The following XPNPEP1 variants were observed in gnomAD, a reference collection of about 807,000 sequenced individuals.
The protein encoded by XPNPEP1 is xaa-Pro aminopeptidase 1.
XPNPEP1 carries 39 observed loss-of-function variants against 92.4 expected under a neutral mutation model. That is an observed-to-expected ratio of 0.42 (90% CI 0.33 to 0.55). XPNPEP1 has a LOEUF of 0.55. Ranked by LOEUF, XPNPEP1 falls within the 20% of genes least tolerant of loss-of-function variation. The pLI is 0.08. For synonymous variants in XPNPEP1, 307 were observed against 299.4 expected (o/e 1.03, Z -0.26); for missense variants, 654 against 856.1 (o/e 0.76, Z 2.95).
intron 2 of XPNPEP1, among the ~76,000 whole-genome samples, 167 bp downstream of exon 2, chr10:109,914,844 C>CA (rs1381092849): frequency 6.7e-6 from 1 of 148,734 alleles, no homozygotes; most frequent in Non-Finnish European, 1.5e-5. Flanking sequence ...AGTAACCAAC[C>CA]ACTTAGGAAG....
At chr10:109,911,211 T>C (rs982287554) in intron 2 of XPNPEP1, among the ~76,000 whole-genome samples, 2 of 152,208 alleles carry the variant, frequency 1.3e-5, no homozygotes, top group African/African-American at 4.8e-5. Context: ...ATGGAAACTG[T>C]CCTACTCATA....
chr10:109,869,138 C>T (rs1021094106), intron 19 of XPNPEP1, among the ~76,000 whole-genome samples: 3 of 152,294 alleles, frequency 2.0e-5, no homozygotes, highest in East Asian at 1.9e-4. Flanking sequence ...GCCCATCAGG[C>T]GACAACACAT....
chr10:109,900,887 T>A (rs575705753), intron 3 of XPNPEP1, among the ~76,000 whole-genome samples: 2 of 152,318 alleles, frequency 1.3e-5, no homozygotes, highest in African/African-American at 4.8e-5. Flanking sequence ...ATTCCATAGA[T>A]ACCCATGGTA....
chr10:109,873,488 C>T (rs548424315), intron 15 of XPNPEP1, 61 bp from the exon 16 acceptor site: 14 of 1,604,972 alleles, frequency 8.7e-6, no homozygotes, highest in Non-Finnish European at 1.0e-5. Flanking sequence ...AAATATGACA[C>T]AGGCAAGCAT....
At position 109,875,733 on chromosome 10, in the gene XPNPEP1, T is replaced by C. The variant is rs1054458491; in HGVS notation, c.1320-134A>G. 4.6e-6 allele frequency: 3 copies of C among 649,938 alleles called. No individual in the cohort carries two copies. The African/African-American group carries it at 5.5e-5, about 12-fold the overall frequency. The allele number at this position is 649,938 out of a possible 1,614,324, so 40.3% of individuals were successfully genotyped here. ...CTGAAATTATATCAAAATAGAAAGT[T>C]ATGCAATAATGAATTATTTCAACTA... is the stretch of plus-strand genomic sequence containing the variant. On this transcript the variant is annotated intron_variant, in intron 14 of 20. Coordinates refer to ENST00000502935, the MANE Select transcript of XPNPEP1 (RefSeq NM_020383.4).
At chr10:109,869,840 G>A in intron 19 of XPNPEP1, 113 bp downstream of exon 19, 1 of 1,118,386 alleles carries the variant, frequency 8.9e-7, no homozygotes, top group South Asian at 1.4e-5. Context: ...CCCACACTAA[G>A]AAACAGGAAA....
Position 109,865,309 on chromosome 10 carries a change from C to T in XPNPEP1, c.1876G>A (p.Asp626Asn), listed in dbSNP as rs751692225. The change falls in exon 21 of 21, where the codon GAC (aspartate) becomes AAC (asparagine). Residue 626 changes from aspartate (D) to asparagine (N), a missense_variant. Transcript: ENST00000502935. ...GTCAGGTGGTAATTGTTGAGCCAGT[C>T]GCACTGCAGGGAAGAGAAGGACAGA... Reference protein sequence around the residue: ...DVDSLTDKECDWLNNYHLTCR... With the variant: ...DVDSLTDKECNWLNNYHLTCR... 1.9e-6 allele frequency: 3 copies of T among 1,613,966 alleles called. No individual in the cohort carries two copies. The highest frequency in any genetic ancestry group is 2.5e-6 in the Non-Finnish European group (3 of 1,180,026).
chr10:109,890,129 G>T (rs1227059922), intron 5 of XPNPEP1, among the ~76,000 whole-genome samples: 2 of 152,190 alleles, frequency 1.3e-5, no homozygotes, highest in African/African-American at 4.8e-5. Flanking sequence ...GAGGAAACTA[G>T]GAAGGAGCCT....
At chr10:109,913,039 A>G (rs1160981595) in intron 2 of XPNPEP1, among the ~76,000 whole-genome samples, 1 of 152,230 alleles carries the variant, frequency 6.6e-6, no homozygotes, top group Admixed American at 6.5e-5. Flanking sequence ...TAAGCAAAGT[A>G]TGCAGCAAAG....
Position 109,868,618 on chromosome 10 carries a change from T to C in XPNPEP1, c.1868A>G (p.Lys623Arg), listed in dbSNP as rs746511383. The C allele has an allele frequency of 3.1e-6, 5 of 1,613,474 alleles. No homozygotes were observed. The highest frequency in any genetic ancestry group is 4.2e-6 in the Non-Finnish European group (5 of 1,179,468). The change falls in exon 20 of 21, where the codon AAA (lysine) becomes AGA (arginine). Residue 623 changes from lysine to arginine, a missense_variant. Lys to Arg is a conservative substitution (Grantham distance 26). Transcript: ENST00000502935. ...KMIDVDSLTD[K>R]ECDWLNNYHL... ...CCACCAAGACTTCCCCATTACCTCT[T>C]TGTCTGTAAGAGAATCCACATCTAT...
At chr10:109,866,700 G>A (rs377660518) in intron 20 of XPNPEP1, among the ~76,000 whole-genome samples, 1 of 152,208 alleles carries the variant, frequency 6.6e-6, no homozygotes, top group Non-Finnish European at 1.5e-5. Flanking sequence ...AAGTGATGAC[G>A]ATGCAGACCC....
chr10:109,865,060 T>TA lies in XPNPEP1; in HGVS notation c.*123dup. ...GGATAAGAAGATTTTCTGTTCTTCTTAAAGTCTAAAGTAAAAAGGGGAGGT... is the reference window on the plus strand; with the variant it reads ...GGATAAGAAGATTTTCTGTTCTTCTTAAAAGTCTAAAGTAAAAAGGGGAGGT... On this transcript the variant is annotated 3_prime_UTR_variant, in exon 21 of 21. Coordinates refer to ENST00000502935, the MANE Select transcript of XPNPEP1 (RefSeq NM_020383.4). 1 of 1,363,050 alleles carries TA rather than the reference T, an allele frequency of 7.3e-7. No individual in the cohort carries two copies. The highest frequency in any genetic ancestry group is 2.1e-5 in the Admixed American group (1 of 47,708). The allele number at this position is 1,363,050 out of a possible 1,614,324, so 84.4% of individuals were successfully genotyped here. A position where few individuals can be genotyped will look rare whatever the true frequency, so the allele number is the denominator to read the frequency against.
In XPNPEP1 at chr10:109,923,458, C is replaced by A. The variant is rs755039853; in HGVS notation, c.-25G>T. ...TTCGGCGGTGACGTGCCCCAGCCCA[C>A]GTCAGGGGAGCGCAGACCAGCTGAT... On this transcript the variant is annotated 5_prime_UTR_variant, in exon 1 of 21. Coordinates refer to ENST00000502935, the MANE Select transcript of XPNPEP1 (RefSeq NM_020383.4). The A allele has an allele frequency of 3.5e-6, 5 of 1,416,044 alleles. No homozygotes were observed. In the East Asian group the frequency reaches 1.3e-4, roughly 38 times the overall value. 87.7% of individuals were successfully genotyped at this position (1,416,044 alleles called of 1,614,324 possible).
At chr10:109,878,283 C>T in intron 12 of XPNPEP1, 3 of 516,536 alleles carry the variant, frequency 5.8e-6, no homozygotes, top group Non-Finnish European at 1.0e-5. Context: ...AACTATTGTG[C>T]TTCAGTATTT....
chr10:109,881,078 C>T, intron 10 of XPNPEP1, 147 bp from the exon 11 acceptor site: 1 of 649,178 alleles, frequency 1.5e-6, no homozygotes, highest in Non-Finnish European at 2.6e-6. Context: ...TCCCCTGGGG[C>T]CCCAACGACC....
chr10:109,922,626 T>A (rs2133597351), intron 1 of XPNPEP1, among the ~76,000 whole-genome samples: 1 of 152,344 alleles, frequency 6.6e-6, no homozygotes, highest in South Asian at 2.1e-4. Flanking sequence ...CTCAAGTGGT[T>A]AGCAGGTGGG....
chr10:109,877,130 C>T (rs1268934517), intron 14 of XPNPEP1: 1 of 152,456 alleles, frequency 6.6e-6, no homozygotes, highest in Non-Finnish European at 1.5e-5. Flanking sequence ...TGGACTAGTA[C>T]AAAACAGCTG....
intron 18 of XPNPEP1, 105 bp from the exon 19 acceptor site, chr10:109,870,134 A>C (rs952570331): frequency 2.3e-6 from 3 of 1,284,866 alleles, no homozygotes; most frequent in Non-Finnish European, 3.3e-6. Context: ...AAGGAGAAGA[A>C]ACGGGTGAAG....
chr10:109,917,596 G>T (rs1485857299), intron 1 of XPNPEP1, among the ~76,000 whole-genome samples: 1 of 152,118 alleles, frequency 6.6e-6, no homozygotes, highest in African/African-American at 2.4e-5. Flanking sequence ...CAAAATTCTA[G>T]CTAGCTTGGA....
Sources: gnomAD v4.1 joint callset for allele counts (sites outside exome capture counted in the v4.1 genomes callset) on GRCh38, gnomAD v4.1.1 for gene constraint, MANE v1.5 for transcripts, NCBI Gene and HGNC (gene_info 2026-07-23, HGNC 2026-07-21) for gene names.